Variants in FRMD4A observed in about 807,000 individuals in gnomAD.
FRMD4A encodes the protein FERM domain-containing protein 4A.
Under a neutral mutation model 129.1 loss-of-function variants are expected in FRMD4A, and 29 were observed. The ratio of observed to expected loss-of-function variants is 0.22; its 90% CI spans 0.17 to 0.31. FRMD4A has a LOEUF of 0.31. Among genes scored for constraint, FRMD4A ranks in the 10% least tolerant of loss-of-function variants. The pLI, the probability that FRMD4A is intolerant of heterozygous loss-of-function variation, is 1.00. For missense variants in FRMD4A, 1,272 were observed against 1,375.8 expected, an observed-to-expected ratio of 0.92 and a Z score of 1.19; for synonymous variants, 634 against 571.6, an observed-to-expected ratio of 1.11 and a Z score of -1.56.
chr10:13,680,452 G>A (rs1332650131), intron 15 of FRMD4A, among the ~76,000 whole-genome samples: 1 of 151,566 alleles, frequency 6.6e-6, no homozygotes, highest in Non-Finnish European at 1.5e-5. Context: ...AAAGGGCTGG[G>A]TGTCGTGGCT....
intron 2 of FRMD4A, among the ~76,000 whole-genome samples, chr10:14,320,494 A>G (rs1259931285): frequency 2.0e-5 from 3 of 152,006 alleles, no homozygotes; most frequent in Non-Finnish European, 4.4e-5. Flanking sequence ...CATGATATAC[A>G]CTTTTCAAAA....
Position 13,976,546 on chromosome 10 carries a change from AT to A in FRMD4A, c.46-117635del, listed in dbSNP as rs61706353. On this transcript the variant is annotated intron_variant, in intron 2 of 24. Transcript: ENST00000357447. The stretch of plus-strand genomic sequence containing the variant: ...TCACTGCTTCTGTAAAGACAGAGGA[AT>A]TTTTTTTTTTTTAAGCAACAAATGC... Among the ~76,000 whole-genome samples the A allele has an allele frequency of 1.1e-3, 170 of 148,874 alleles. 1 individual carries two copies. Among genetic ancestry groups the A allele is most frequent in the East Asian group, 4.5e-3 (23 of 5,066 alleles).
intron 8 of FRMD4A, among the ~76,000 whole-genome samples, chr10:13,749,334 A>G (rs1353094505): frequency 2.6e-5 from 4 of 152,180 alleles, no homozygotes; most frequent in Admixed American, 6.5e-5. Flanking sequence ...AAAAGGAATG[A>G]AACAGGTATA....
chr10:13,873,373 T>A (rs536541507), intron 2 of FRMD4A, among the ~76,000 whole-genome samples: 1 of 151,422 alleles, frequency 6.6e-6, no homozygotes, highest in East Asian at 1.9e-4. Flanking sequence ...TAAAATTAAA[T>A]GAGGAAGTGA....
intron 9 of FRMD4A, among the ~76,000 whole-genome samples, chr10:13,740,823 G>T (rs574168105): frequency 5.8e-4 from 61 of 105,076 alleles, no homozygotes; most frequent in South Asian, 1.3e-3. Context: ...TGTCTTGGAT[G>T]TTTGTTTTTT....
At chr10:13,943,127 A>G (rs1176158495) in intron 2 of FRMD4A, among the ~76,000 whole-genome samples, 27 of 152,140 alleles carry the variant, frequency 1.8e-4, no homozygotes, top group Admixed American at 1.8e-3. Context: ...TTTGGGAGGA[A>G]CCGTGCTTTC....
intron 11 of FRMD4A, 74 bp from the exon 12 acceptor site, chr10:13,738,004 G>A (rs1352857941): frequency 2.4e-6 from 2 of 848,144 alleles, no homozygotes; most frequent in Non-Finnish European, 4.0e-6. Context: ...AGATTTCCTG[G>A]CTCAGGGGCA....
At chr10:14,094,723 G>A (rs1234129561) in intron 2 of FRMD4A, among the ~76,000 whole-genome samples, 1 of 152,172 alleles carries the variant, frequency 6.6e-6, no homozygotes, top group Non-Finnish European at 1.5e-5. Context: ...TTCTGTCCAG[G>A]TTCTTTGCAA....
chr10:14,274,096 G>T (rs1042337310), intron 2 of FRMD4A, among the ~76,000 whole-genome samples: 2 of 152,226 alleles, frequency 1.3e-5, no homozygotes, highest in African/African-American at 4.8e-5. Context: ...AAAGGGAGGT[G>T]CTGTGTACAG....
At chr10:13,679,562 G>C (rs2084344998) in intron 15 of FRMD4A, among the ~76,000 whole-genome samples, 1 of 146,880 alleles carries the variant, frequency 6.8e-6, no homozygotes. Context: ...CTAGGTCTTT[G>C]GGGCAGCTAT....
At chr10:13,959,539 G>T (rs1389677826) in intron 2 of FRMD4A, among the ~76,000 whole-genome samples, 1 of 147,016 alleles carries the variant, frequency 6.8e-6, no homozygotes, top group Admixed American at 6.8e-5. Context: ...TAATCATCAG[G>T]TGACAGGTTC....
At chr10:13,984,789 C>T (rs952857346) in intron 2 of FRMD4A, among the ~76,000 whole-genome samples, 2 of 152,138 alleles carry the variant, frequency 1.3e-5, no homozygotes, top group Non-Finnish European at 2.9e-5. Flanking sequence ...GGGTTGTTTC[C>T]ACTTTTTGGC....
At chr10:13,952,165 G>A (rs2095376453) in intron 2 of FRMD4A, among the ~76,000 whole-genome samples, 1 of 150,584 alleles carries the variant, frequency 6.6e-6, no homozygotes, top group Admixed American at 6.6e-5. Flanking sequence ...GATTTTTCAA[G>A]TAATATATGC....
chr10:13,666,918 T>TTC (rs2083092691), intron 17 of FRMD4A, among the ~76,000 whole-genome samples: 1 of 145,964 alleles, frequency 6.9e-6, no homozygotes, highest in African/African-American at 2.6e-5. Context: ...TTTCTTTTTT[T>TTC]TTTTTTTTTT....
intron 2 of FRMD4A, among the ~76,000 whole-genome samples, chr10:13,965,243 C>T (rs1431699422): frequency 6.6e-6 from 1 of 152,090 alleles, no homozygotes; most frequent in Non-Finnish European, 1.5e-5. Context: ...GCCGACTCGC[C>T]CACCTTGTTC....
chr10:13,800,133 G>C (rs570609960), intron 4 of FRMD4A, among the ~76,000 whole-genome samples: 1 of 152,306 alleles, frequency 6.6e-6, no homozygotes, highest in East Asian at 1.9e-4. Context: ...AGTGAGCTGA[G>C]ATGGCACTAC....
chr10:13,962,538 A>AT (rs934991892), intron 2 of FRMD4A, among the ~76,000 whole-genome samples: 2 of 152,118 alleles, frequency 1.3e-5, no homozygotes, highest in African/African-American at 2.4e-5. Context: ...TGAAATATGC[A>AT]TTTTTTCAAG....
chr10:14,112,269 C>G (rs192608701), intron 2 of FRMD4A, among the ~76,000 whole-genome samples: 3 of 151,994 alleles, frequency 2.0e-5, no homozygotes, highest in Non-Finnish European at 4.4e-5. Flanking sequence ...TAATTAGGAG[C>G]TGTGTAGATC....
At chr10:13,895,186 G>A (rs1400569685) in intron 2 of FRMD4A, among the ~76,000 whole-genome samples, 2 of 152,118 alleles carry the variant, frequency 1.3e-5, no homozygotes, top group African/African-American at 4.8e-5. Flanking sequence ...TTGTCACTGA[G>A]GTATTAAGCC....
Sources: allele counts gnomAD v4.1 joint callset (sites outside exome capture counted in the v4.1 genomes callset), GRCh38; gene constraint gnomAD v4.1.1; transcripts MANE v1.5; gene names NCBI Gene and HGNC (gene_info 2026-07-23, HGNC 2026-07-21).